The following POLR3H variants were observed in gnomAD, a reference collection of about 807,000 sequenced individuals.
POLR3H encodes the protein DNA-directed RNA polymerase III subunit RPC8.
In POLR3H, 17 loss-of-function variants were observed where a neutral mutation model predicts 25.5. The observed-to-expected ratio is 0.67, with a 90% CI of 0.46 to 1.00. The LOEUF (loss-of-function observed/expected upper bound fraction) is 1.00. Ranked by LOEUF, POLR3H falls within the 50% of genes least tolerant of loss-of-function variation. The pLI is 0.00. For missense variants in POLR3H, 274 were observed against 265.0 expected (o/e 1.03, Z -0.24); for synonymous variants, 129 against 103.0 (o/e 1.25, Z -1.53).
chr22:41,540,920 A>G, intron 1 of POLR3H, 125 bp from the exon 2 acceptor site: 2 of 708,876 alleles, frequency 2.8e-6, no homozygotes, highest in Non-Finnish European at 4.8e-6. Flanking sequence ...TTTTTAGGTG[A>G]AAATGAGTTT....
chr22:41,533,783 A>C (rs1343280796), intron 2 of POLR3H: 6 of 1,081,556 alleles, frequency 5.5e-6, no homozygotes, highest in East Asian at 6.0e-5. Context: ...GCCAAGGGCC[A>C]CTTACGCACA....
chr22:41,531,676 G>A (rs758832077), intron 4 of POLR3H, among the ~76,000 whole-genome samples: 4 of 152,238 alleles, frequency 2.6e-5, no homozygotes, highest in Non-Finnish European at 5.9e-5. Flanking sequence ...GGAGGCCCAG[G>A]AGGAACACAT....
rs2066915409 is a variant in POLR3H, at chr22:41,540,741, C to T, written c.166G>A (p.Asp56Asn). 1 of 1,614,172 alleles carries T rather than the reference C, an allele frequency of 6.2e-7. No homozygotes were observed. The highest frequency in any genetic ancestry group is 8.5e-7 in the Non-Finnish European group (1 of 1,180,016). Residue 56 changes from aspartate (D) to asparagine (N), a missense_variant, in exon 2 of 6, where the codon GAT (aspartate) becomes AAT (asparagine). Asp to Asn is a conservative substitution (Grantham distance 23, BLOSUM62 1). Transcript: ENST00000355209. Reference sequence around the variant, plus strand: ...CCATCCCCAGGGAATACATAGGCATCCTCCAGTTTGGTGATATCAAACAGA... The same window carrying T: ...CCATCCCCAGGGAATACATAGGCATTCTCCAGTTTGGTGATATCAAACAGA... ...ICLFDITKLE[D>N]AYVFPGDGAS... is the part of the protein sequence containing the mutation.
Position 41,527,813 on chromosome 22 carries a change from G to C in POLR3H, c.*1470C>G. On this transcript the variant is annotated 3_prime_UTR_variant, in exon 6 of 6. Transcript: ENST00000355209. Reference sequence around the variant, plus strand: ...ATTGTCCCAGGCAGCAGGATTAGGGGCATCTCCCAGAGCCCCAGATGGGTT... The same window carrying C: ...ATTGTCCCAGGCAGCAGGATTAGGGCCATCTCCCAGAGCCCCAGATGGGTT... 1.3e-6 allele frequency: 2 copies of C among 1,596,206 alleles called. No individual in the cohort carries two copies. Among genetic ancestry groups the C allele is most frequent in the Non-Finnish European group, 8.5e-7 (1 of 1,170,608 alleles).
intron 1 of POLR3H, among the ~76,000 whole-genome samples, chr22:41,541,161 T>G (rs2066922942): frequency 6.6e-6 from 1 of 152,192 alleles, no homozygotes; most frequent in Admixed American, 6.5e-5. Context: ...GCCCCTAGCC[T>G]TGTACCTGGC....
chr22:41,540,292 G>C (rs907889119), intron 2 of POLR3H: 6 of 345,358 alleles, frequency 1.7e-5, no homozygotes, highest in African/African-American at 1.3e-4. Context: ...CACAGACACA[G>C]AGCTATGAAG....
chr22:41,534,667 G>A (rs1020509409), intron 2 of POLR3H, among the ~76,000 whole-genome samples: 4 of 151,918 alleles, frequency 2.6e-5, no homozygotes, highest in East Asian at 1.9e-4. Context: ...CGAGGCGGGC[G>A]GATCACCTGA....
chr22:41,530,696 G>A lies in POLR3H; in HGVS notation c.552C>T (p.Tyr184=). Residue 184 remains tyrosine, a synonymous_variant, in exon 5 of 6, where the codon TAC becomes TAT. Coordinates refer to ENST00000355209, the MANE Select transcript of POLR3H (RefSeq NM_001018050.4). Reference sequence around the variant, plus strand: ...CATCAGAGCCACTCACCACAAGCGTGTACGGAGCCTCCTTCTTTGGCAGCT... The same window carrying A: ...CATCAGAGCCACTCACCACAAGCGTATACGGAGCCTCCTTCTTTGGCAGCT... The part of the protein sequence containing the change: ...SEELPKKEAP[Y]TLVGSISEPG... 4 of 1,612,952 alleles carry A rather than the reference G, an allele frequency of 2.5e-6. No individual in the cohort carries two copies. The highest frequency in any genetic ancestry group is 2.5e-6 in the Non-Finnish European group (3 of 1,179,912).
rs1391064633 is a variant in POLR3H at position 41,526,501 on chromosome 22, G to A, written c.*2782C>T. On this transcript the variant is annotated 3_prime_UTR_variant, in exon 6 of 6. Coordinates refer to ENST00000355209, the MANE Select transcript of POLR3H (RefSeq NM_001018050.4). ...AATGCCAGTGGTCACTCCTGAAGGGGCCTGCAAGGCAGGTGCAGGGAGGAC... is the reference window on the plus strand; with the variant it reads ...AATGCCAGTGGTCACTCCTGAAGGGACCTGCAAGGCAGGTGCAGGGAGGAC... The A allele has an allele frequency of 6.4e-7, 1 of 1,569,188 alleles. No individual in the cohort carries two copies. Among genetic ancestry groups the A allele is most frequent in the Non-Finnish European group, 8.7e-7 (1 of 1,152,776 alleles).
chr22:41,526,070 C>T lies in POLR3H; in HGVS notation c.*3213G>A, dbSNP rs2066588053. On this transcript the variant is annotated 3_prime_UTR_variant, in exon 6 of 6. Transcript: ENST00000355209. ...CCAGAGGCCTTTGAGGGGATGAAGG[C>T]CTGGCCTGAGCCCATGTGGCCTTAG... is the stretch of plus-strand genomic sequence containing the variant. 3.6e-6 allele frequency: 2 copies of T among 558,912 alleles called. No homozygotes were observed. Among genetic ancestry groups the T allele is most frequent in the African/African-American group, 3.8e-5 (2 of 53,102 alleles). 34.6% of individuals were successfully genotyped at this position (558,912 alleles called of 1,614,324 possible).
Position 41,527,772 on chromosome 22 carries a change from T to G in POLR3H, c.*1511A>C, listed in dbSNP as rs964952899. 2.0e-6 allele frequency: 3 copies of G among 1,482,320 alleles called. No individual in the cohort carries two copies. The highest frequency in any genetic ancestry group is 3.9e-5 in the Admixed American group (2 of 51,834). The allele number at this position is 1,482,320 out of a possible 1,614,324, so 91.8% of individuals were successfully genotyped here. A position where few individuals can be genotyped will look rare whatever the true frequency, so the allele number is the denominator to read the frequency against. On this transcript the variant is annotated 3_prime_UTR_variant, in exon 6 of 6. Transcript: ENST00000355209. Reference sequence around the variant, plus strand: ...TGAAAGGGAGCAGACCAGGGCCCCATAGTCACTGCCCGGGCATTGTCCCAG... The same window carrying G: ...TGAAAGGGAGCAGACCAGGGCCCCAGAGTCACTGCCCGGGCATTGTCCCAG...
Position 41,528,123 on chromosome 22 carries a change from T to G in POLR3H, c.*1160A>C. ...GGTAGCTTCTCCCAGGAGGCTTCAT[T>G]CCAGCTGGAAAGGCCCCCAGTTCTC... On this transcript the variant is annotated 3_prime_UTR_variant, in exon 6 of 6. Transcript: ENST00000355209. 13 of 1,538,890 alleles carry G rather than the reference T, an allele frequency of 8.4e-6. 1 individual carries two copies. The South Asian group carries it at 1.4e-4, about 17-fold the overall frequency.
At chr22:41,543,613 T>TC (rs2066967973) in intron 1 of POLR3H, 1 of 373,514 alleles carries the variant, frequency 2.7e-6, no homozygotes, top group Non-Finnish European at 5.2e-6. Flanking sequence ...AGAGCAAGAC[T>TC]CCGTCTCAAA....
chr22:41,538,054 C>G (rs2066876519), intron 2 of POLR3H, among the ~76,000 whole-genome samples: 1 of 151,864 alleles, frequency 6.6e-6, no homozygotes, highest in Non-Finnish European at 1.5e-5. Context: ...CAACCTCTGC[C>G]TCCTGGGTTC....
At chr22:41,531,644 T>G (rs1601948097) in intron 4 of POLR3H, among the ~76,000 whole-genome samples, 1 of 151,868 alleles carries the variant, frequency 6.6e-6, no homozygotes, top group African/African-American at 2.4e-5. Context: ...TACAGCAAGG[T>G]GAGGGGTGGG....
At position 41,544,352 on chromosome 22, in the gene POLR3H, GCCACGCCACGCCACT is replaced by G. The variant is rs1470906609; in HGVS notation, c.-266_-252del. ...GTGCGCGCCCGCGCCGCGAGACCCC[GCCACGCCACGCCACT>G]CCACGCCACGCCACTCCACGCCCCG... On this transcript the variant is annotated 5_prime_UTR_variant, in exon 1 of 6. Transcript: ENST00000355209. 4,036 of 369,002 alleles carry G rather than the reference GCCACGCCACGCCACT, an allele frequency of 0.011. 45 individuals are homozygous for G. Among genetic ancestry groups the G allele is most frequent in the Non-Finnish European group, 0.015 (3,094 of 205,586 alleles). 22.9% of individuals were successfully genotyped at this position (369,002 alleles called of 1,614,324 possible). A position where few individuals can be genotyped will look rare whatever the true frequency, so the allele number is the denominator to read the frequency against.
chr22:41,542,782 C>T (rs1483492762), intron 1 of POLR3H, among the ~76,000 whole-genome samples: 1 of 152,140 alleles, frequency 6.6e-6, no homozygotes, highest in African/African-American at 2.4e-5. Flanking sequence ...GCAGGCAGAT[C>T]ACCTGAGGTC....
chr22:41,531,924 G>A (rs563230868), intron 4 of POLR3H, among the ~76,000 whole-genome samples, 170 bp downstream of exon 4: 1 of 152,208 alleles, frequency 6.6e-6, no homozygotes, highest in African/African-American at 2.4e-5. Flanking sequence ...CTCCCTGCAT[G>A]GGAGGCACAG....
At chr22:41,530,613 C>T (rs1353300019) in intron 5 of POLR3H, 74 bp downstream of exon 5, 2 of 1,395,068 alleles carry the variant, frequency 1.4e-6, no homozygotes, top group Admixed American at 4.1e-5. Flanking sequence ...GCAGAAGCCC[C>T]AGGACACAGC....
Sources: gnomAD v4.1 joint callset for allele counts (sites outside exome capture counted in the v4.1 genomes callset) on GRCh38, gnomAD v4.1.1 for gene constraint, MANE v1.5 for transcripts, NCBI Gene and HGNC (gene_info 2026-07-23, HGNC 2026-07-21) for gene names.